TMEM132C: variants seen among roughly 807,000 people sequenced by gnomAD.
TMEM132C encodes the protein transmembrane protein 132C.
Under a neutral mutation model 61.4 loss-of-function variants are expected in TMEM132C, and 29 were observed. That is an observed-to-expected ratio of 0.47 (90% CI 0.35 to 0.64). TMEM132C has a LOEUF of 0.64. TMEM132C is among the 30% of genes least tolerant of loss of function. The pLI is 0.00. For missense variants in TMEM132C, 1,408 were observed against 1,476.9 expected, an observed-to-expected ratio of 0.95 and a Z score of 0.76; for synonymous variants, 656 against 633.1, an observed-to-expected ratio of 1.04 and a Z score of -0.54.
chr12:128,693,410 G>A (rs1038448787), intron 5 of TMEM132C, among the ~76,000 whole-genome samples: 7 of 152,170 alleles, frequency 4.6e-5, no homozygotes, highest in Non-Finnish European at 1.0e-4. Context: ...CTTTTTGATT[G>A]CAGTCTCACC....
At chr12:128,599,889 G>A (rs1447430617) in intron 3 of TMEM132C, among the ~76,000 whole-genome samples, 1 of 152,202 alleles carries the variant, frequency 6.6e-6, no homozygotes, top group Non-Finnish European at 1.5e-5. Flanking sequence ...CCTGGTGGGA[G>A]GTAATTGAAT....
chr12:128,272,116 A>G lies in TMEM132C; in HGVS notation c.85+4629A>G, dbSNP rs369276608. On this transcript the variant is annotated intron_variant, in intron 1 of 8. Transcript: ENST00000435159. ...TTTCGACAAATGCACACAGTCACGT[A>G]AACATCACTAGGATTGCGGTATAGA... Among the ~76,000 whole-genome samples the G allele has an allele frequency of 1.3e-4, 20 of 152,352 alleles. 1 individual carries two copies. In the East Asian group the frequency reaches 2.3e-3, roughly 18 times the overall value.
At position 128,380,901 on chromosome 12, in the gene TMEM132C, T is replaced by C. The variant is rs1874378677; in HGVS notation, c.86-33831T>C. On this transcript the variant is annotated intron_variant, in intron 1 of 8. Transcript: ENST00000435159. ...ATACATATTGTTGACTCATTCACAT[T>C]GAACTCATGGCCAACTGCACCGTAA... 2.0e-5 allele frequency among the ~76,000 whole-genome samples: 3 copies of C among 152,210 alleles called. No individual in the cohort carries two copies. The South Asian group carries it at 6.2e-4, about 31-fold the overall frequency.
Position 128,326,998 on chromosome 12 carries a change from T to C in TMEM132C, c.85+59511T>C, listed in dbSNP as rs571554254. 1.0e-4 allele frequency among the ~76,000 whole-genome samples: 15 copies of C among 150,106 alleles called. 2 individuals are homozygous for C. The highest frequency in any genetic ancestry group is 9.2e-4 in the Admixed American group (14 of 15,268). ...CTTTTAGTGGTGTAATTTTTCCTTTTAGGTTTTCTTTTATCCCCAACCTTT... is the reference window on the plus strand; with the variant it reads ...CTTTTAGTGGTGTAATTTTTCCTTTCAGGTTTTCTTTTATCCCCAACCTTT... On this transcript the variant is annotated intron_variant, in intron 1 of 8. Transcript: ENST00000435159. The surrounding 1 kb of genome is among the most constrained non-coding windows in gnomAD (Gnocchi z 5.6).
At chr12:128,397,404 G>A (rs1425997779) in intron 1 of TMEM132C, among the ~76,000 whole-genome samples, 1 of 152,148 alleles carries the variant, frequency 6.6e-6, no homozygotes, top group Non-Finnish European at 1.5e-5. Context: ...GCATCTTTCT[G>A]GAGCAATTGC....
intron 1 of TMEM132C, among the ~76,000 whole-genome samples, chr12:128,301,880 A>G (rs1248784130): frequency 6.6e-6 from 1 of 152,240 alleles, no homozygotes; most frequent in Non-Finnish European, 1.5e-5. Context: ...TCATGGCGGA[A>G]GGCAAAAGGC....
chr12:128,485,893 G>A (rs1871476839), intron 2 of TMEM132C, among the ~76,000 whole-genome samples: 1 of 152,100 alleles, frequency 6.6e-6, no homozygotes, highest in Non-Finnish European at 1.5e-5. Flanking sequence ...CCTCTAATTT[G>A]CATCCACTTT....
At chr12:128,677,817 C>T (rs559900214) in intron 5 of TMEM132C, among the ~76,000 whole-genome samples, 3 of 152,194 alleles carry the variant, frequency 2.0e-5, no homozygotes, top group Non-Finnish European at 4.4e-5. Flanking sequence ...CTCCAGGGCA[C>T]GATACTAGCT....
chr12:128,545,074 T>A (rs939715429), intron 3 of TMEM132C, among the ~76,000 whole-genome samples: 1 of 152,212 alleles, frequency 6.6e-6, no homozygotes, highest in African/African-American at 2.4e-5. Context: ...ATCACCCAAG[T>A]GGTGAACAGA....
chr12:128,301,428 G>A (rs572828717), intron 1 of TMEM132C, among the ~76,000 whole-genome samples: 3 of 151,914 alleles, frequency 2.0e-5, no homozygotes, highest in Non-Finnish European at 4.4e-5. Context: ...TAAATATATC[G>A]AAATTTATTA....
intron 3 of TMEM132C, among the ~76,000 whole-genome samples, chr12:128,548,945 A>T (rs941471338): frequency 3.3e-5 from 5 of 152,172 alleles, no homozygotes; most frequent in African/African-American, 4.8e-5. Context: ...ACATCATTTT[A>T]TCTAAAGGAC....
intron 1 of TMEM132C, chr12:128,399,876 A>G (rs987848530): frequency 6.6e-6 from 1 of 152,178 alleles, no homozygotes; most frequent in African/African-American, 2.4e-5. Flanking sequence ...TCTAGTGTTT[A>G]AAAGTAAAGT....
chr12:128,640,517 T>TG (rs1031909826), intron 4 of TMEM132C, among the ~76,000 whole-genome samples: 1 of 152,080 alleles, frequency 6.6e-6, no homozygotes, highest in Non-Finnish European at 1.5e-5. Flanking sequence ...GAGTTTCTTT[T>TG]GGGGGTGATG....
At chr12:128,663,918 A>G (rs75236041) in intron 4 of TMEM132C, among the ~76,000 whole-genome samples, 68,679 of 136,070 alleles carry the variant, frequency 0.5, 16,691 homozygotes, top group East Asian at 0.59. Context: ...ACAGGCACAC[A>G]CACCTGCACG....
At chr12:128,473,453 C>CT (rs1871044281) in intron 2 of TMEM132C, among the ~76,000 whole-genome samples, 2 of 136,200 alleles carry the variant, frequency 1.5e-5, no homozygotes, top group Non-Finnish European at 1.6e-5. Context: ...TTTATCCTCA[C>CT]GCCAGCCTCT....
At chr12:128,374,702 C>A (rs1874133628) in intron 1 of TMEM132C, among the ~76,000 whole-genome samples, 1 of 148,304 alleles carries the variant, frequency 6.7e-6, no homozygotes, top group South Asian at 2.3e-4. Flanking sequence ...CCATACAACA[C>A]CCACAGTGCA....
chr12:128,622,400 T>C (rs1477462125), intron 4 of TMEM132C, among the ~76,000 whole-genome samples: 1 of 117,332 alleles, frequency 8.5e-6, no homozygotes, highest in Admixed American at 9.5e-5. Context: ...TATATATATA[T>C]AACCAGGAAA....
chr12:128,667,298 G>A (rs1259955852), intron 4 of TMEM132C, among the ~76,000 whole-genome samples: 1 of 152,152 alleles, frequency 6.6e-6, no homozygotes, highest in African/African-American at 2.4e-5. Flanking sequence ...CTTTAATGAA[G>A]CCATTAGCCA....
At chr12:128,360,395 A>T (rs1438306578) in intron 1 of TMEM132C, among the ~76,000 whole-genome samples, 3 of 152,124 alleles carry the variant, frequency 2.0e-5, no homozygotes, top group Non-Finnish European at 2.9e-5. Context: ...ATCCACAGGG[A>T]AGCCATGAGT....
Sources: gnomAD v4.1 joint callset for allele counts (sites outside exome capture counted in the v4.1 genomes callset) on GRCh38, gnomAD v4.1.1 for gene constraint, Gnocchi (gnomAD v3.1) non-coding constraint, MANE v1.5 for transcripts, NCBI Gene and HGNC (gene_info 2026-07-23, HGNC 2026-07-21) for gene names.